The following EDIL3 variants were observed in gnomAD, a reference collection of about 807,000 sequenced individuals.
The protein encoded by EDIL3 is EGF-like repeat and discoidin I-like domain-containing protein 3.
A neutral mutation model predicts 67.4 loss-of-function variants in EDIL3; 37 were observed. The observed-to-expected ratio is 0.55, with a 90% confidence interval of 0.42 to 0.72. EDIL3 has a LOEUF of 0.72. Among genes scored for constraint, EDIL3 ranks in the 30% least tolerant of loss-of-function variants. The probability of loss-of-function intolerance (pLI) is 0.00; values close to 1 mark genes in which losing one functional copy is unlikely to be tolerated. For synonymous variants in EDIL3, 195 were observed against 196.3 expected, an observed-to-expected ratio of 0.99 and a Z score of 0.05; for missense variants, 527 against 586.3, an observed-to-expected ratio of 0.90 and a Z score of 1.04.
In EDIL3 at chr5:84,163,084, A is replaced by C. The variant is rs139843359; in HGVS notation, c.355+17309T>G. On this transcript the variant is annotated intron_variant, in intron 4 of 10. Transcript: ENST00000296591. ...ATCGACCAAGACTCTTGAGCTTTGT[A>C]TTTGAGAAAGCTTTAAAAATAAAAG... 4.5e-3 allele frequency among the ~76,000 whole-genome samples: 689 copies of C among 152,220 alleles called. 6 individuals are homozygous for C. Among genetic ancestry groups the C allele is most frequent in the African/African-American group, 0.016 (670 of 41,550 alleles).
At chr5:84,375,361 GT>G (rs887152298) in intron 1 of EDIL3, among the ~76,000 whole-genome samples, 57 of 151,946 alleles carry the variant, frequency 3.8e-4, no homozygotes, top group African/African-American at 1.3e-3. Flanking sequence ...GCAGTTTGAA[GT>G]TTTTTTAAAA....
intron 9 of EDIL3, among the ~76,000 whole-genome samples, chr5:83,970,147 C>T (rs1349168926): frequency 1.3e-5 from 2 of 151,174 alleles, no homozygotes; most frequent in Non-Finnish European, 3.0e-5. Flanking sequence ...GTGTGCTTAA[C>T]TTTCTGTATA....
chr5:84,110,388 A>G (rs1042300873), intron 5 of EDIL3, among the ~76,000 whole-genome samples: 2 of 152,216 alleles, frequency 1.3e-5, no homozygotes, highest in African/African-American at 4.8e-5. Context: ...TGAAGGAATT[A>G]CAATTCAGAA....
At chr5:84,213,258 A>G (rs1277986380) in intron 3 of EDIL3, among the ~76,000 whole-genome samples, 1 of 152,128 alleles carries the variant, frequency 6.6e-6, no homozygotes, top group Admixed American at 6.5e-5. Context: ...AAGATAGGCA[A>G]AGATGCAGAA....
chr5:83,974,447 A>T (rs199745440), intron 9 of EDIL3, among the ~76,000 whole-genome samples: 1 of 151,956 alleles, frequency 6.6e-6, no homozygotes, highest in Admixed American at 6.6e-5. Context: ...AGCCACTGAC[A>T]CAGAAAGTGG....
intron 6 of EDIL3, among the ~76,000 whole-genome samples, chr5:84,081,973 A>G (rs1385104479): frequency 6.6e-6 from 1 of 152,236 alleles, no homozygotes; most frequent in Admixed American, 6.5e-5. Flanking sequence ...GTGAATAAGA[A>G]AGAAAAATAA....
chr5:84,124,142 G>A (rs755473598), intron 5 of EDIL3, among the ~76,000 whole-genome samples: 2 of 151,798 alleles, frequency 1.3e-5, no homozygotes, highest in Non-Finnish European at 2.9e-5. Context: ...ACTTATGCAG[G>A]TATTTTAGGT....
At chr5:83,970,649 A>G (rs202209294) in intron 9 of EDIL3, among the ~76,000 whole-genome samples, 14 of 11,018 alleles carry the variant, frequency 1.3e-3, no homozygotes, top group South Asian at 0.056. Context: ...CACAGTATAT[A>G]TATATATATA....
intron 1 of EDIL3, among the ~76,000 whole-genome samples, chr5:84,377,091 C>T (rs1473949938): frequency 2.0e-5 from 3 of 152,082 alleles, no homozygotes; most frequent in African/African-American, 7.2e-5. Context: ...CTTTGGGAGG[C>T]CAAGGCGGGT....
intron 9 of EDIL3, among the ~76,000 whole-genome samples, chr5:83,996,997 C>T (rs1745247912): frequency 6.6e-6 from 1 of 152,056 alleles, no homozygotes; most frequent in African/African-American, 2.4e-5. Flanking sequence ...AGGAAGACAG[C>T]CTTCTAGGCA....
chr5:84,258,614 G>A (rs913331385), intron 1 of EDIL3, among the ~76,000 whole-genome samples: 10 of 152,244 alleles, frequency 6.6e-5, no homozygotes, highest in Middle Eastern at 3.4e-3. Flanking sequence ...GATTAGAGCC[G>A]TGCACCTCCA....
intron 9 of EDIL3, among the ~76,000 whole-genome samples, chr5:84,037,985 C>CTTTTTTTTTTTTT (rs1580292622): frequency 1.0e-5 from 1 of 99,648 alleles, no homozygotes; most frequent in Non-Finnish European, 1.8e-5. Context: ...TTCTTTCTTT[C>CTTTTTTTTTTTTT]TTGTTTTTTT....
chr5:83,970,603 C>T (rs973566711), intron 9 of EDIL3, among the ~76,000 whole-genome samples: 3 of 138,932 alleles, frequency 2.2e-5, no homozygotes, highest in Non-Finnish European at 4.6e-5. Flanking sequence ...ACTGAACCAT[C>T]TTGGTTTTAT....
chr5:84,201,839 G>T lies in EDIL3; in HGVS notation c.227-21318C>A, dbSNP rs578142039. ...ATCAGTTACATGCCAAAATCCACAT[G>T]AAATTCTATTCAATGCAAAAAGAGA... On this transcript the variant is annotated intron_variant, in intron 3 of 10. Transcript: ENST00000296591. Among the ~76,000 whole-genome samples the T allele has an allele frequency of 3.9e-5, 6 of 152,162 alleles. No individual in the cohort carries two copies. The South Asian group carries it at 1.2e-3, about 32-fold the overall frequency.
intron 2 of EDIL3, among the ~76,000 whole-genome samples, chr5:84,243,956 C>T (rs1436035982): frequency 6.6e-6 from 1 of 152,154 alleles, no homozygotes; most frequent in Non-Finnish European, 1.5e-5. Context: ...ATTTTCTTCA[C>T]ATAAATACTT....
chr5:84,084,349 C>T (rs1187897012), intron 6 of EDIL3, among the ~76,000 whole-genome samples: 1 of 151,940 alleles, frequency 6.6e-6, no homozygotes, highest in African/African-American at 2.4e-5. Flanking sequence ...ATTGAGAGAA[C>T]ATCATTCTTT....
chr5:84,092,281 G>T (rs1747181270), intron 6 of EDIL3, among the ~76,000 whole-genome samples: 1 of 152,148 alleles, frequency 6.6e-6, no homozygotes, highest in Non-Finnish European at 1.5e-5. Flanking sequence ...TAAATAAAAA[G>T]AAGGTATTTT....
chr5:84,084,440 C>T (rs1747031617), intron 6 of EDIL3, among the ~76,000 whole-genome samples: 1 of 152,160 alleles, frequency 6.6e-6, no homozygotes, highest in Admixed American at 6.5e-5. Context: ...ATTCTCATCA[C>T]TGACTAGATT....
intron 9 of EDIL3, among the ~76,000 whole-genome samples, chr5:83,977,630 T>G (rs1306551001): frequency 6.6e-6 from 1 of 151,852 alleles, no homozygotes; most frequent in African/African-American, 2.4e-5. Flanking sequence ...TATATGGGTT[T>G]TCAACTTCTC....
Sources: gnomAD v4.1 joint callset for allele counts (sites outside exome capture counted in the v4.1 genomes callset) on GRCh38, gnomAD v4.1.1 for gene constraint, MANE v1.5 for transcripts, NCBI Gene and HGNC (gene_info 2026-07-23, HGNC 2026-07-21) for gene names.